The following SYAP1 variants were observed in gnomAD, a reference collection of about 807,000 sequenced individuals.
SYAP1 encodes the protein synapse-associated protein 1.
SYAP1 carries 3 observed loss-of-function variants against 29.6 expected under a neutral mutation model. The observed-to-expected ratio is 0.10, with a 90% CI of 0.05 to 0.26. The LOEUF (loss-of-function observed/expected upper bound fraction) is 0.26. SYAP1 is among the 10% of genes least tolerant of loss of function. The pLI is 1.00. For missense variants in SYAP1, 217 were observed against 264.1 expected (o/e 0.82, Z 1.24); for synonymous variants, 102 against 102.7 (o/e 0.99, Z 0.04).
chrX:16,735,600 AAACTT>A (rs1197349281), intron 2 of SYAP1, among the ~76,000 whole-genome samples: 1 of 111,852 alleles, frequency 8.9e-6, no homozygotes, highest in Non-Finnish European at 1.9e-5. Flanking sequence ...GGGTTATACT[AAACTT>A]TTCATGTTGG....
chrX:16,756,562 A>T, intron 6 of SYAP1, 101 bp from the exon 7 acceptor site: 1 of 720,821 alleles, frequency 1.4e-6, no homozygotes, highest in Non-Finnish European at 2.1e-6. Context: ...ATTTCTGAAA[A>T]TTATTTAGTA....
At position 16,764,005 on chromosome X, in the gene SYAP1, G is replaced by A. The variant is rs1927040874; in HGVS notation, c.*3646G>A. 1 of 109,709 alleles carries A rather than the reference G, an allele frequency of 9.1e-6. No homozygotes were observed. The highest frequency in any genetic ancestry group is 1.9e-5 in the Non-Finnish European group (1 of 52,804). The allele number at this position is 109,709 out of a possible 1,213,427, so 9.0% of individuals were successfully genotyped here. A position where few individuals can be genotyped will look rare whatever the true frequency, so the allele number is the denominator to read the frequency against. On this transcript the variant is annotated 3_prime_UTR_variant, in exon 9 of 9. Coordinates refer to ENST00000380155, the MANE Select transcript of SYAP1 (RefSeq NM_032796.4). ...TTCTCCTGCCTCAGCCTCCCTAGTA[G>A]CTGGGATTATAGGCATGTGCCACCA...
chrX:16,728,712 A>G (rs1269865721), intron 1 of SYAP1, among the ~76,000 whole-genome samples: 1 of 109,502 alleles, frequency 9.1e-6, no homozygotes, highest in Non-Finnish European at 1.9e-5. Context: ...ACAATTGTTC[A>G]TGGATGACAA....
At chrX:16,755,506 C>G (rs778330517) in intron 6 of SYAP1, among the ~76,000 whole-genome samples, 1 of 109,310 alleles carries the variant, frequency 9.1e-6, no homozygotes, top group South Asian at 4.0e-4. Context: ...CATCTTCCCC[C>G]CCTCTCATTT....
rs369077809 is a variant in SYAP1, at chrX:16,758,529, G to A, written c.931+1220G>A. 4.5e-5 allele frequency among the ~76,000 whole-genome samples: 5 copies of A among 110,378 alleles called. No homozygotes were observed. In the East Asian group the frequency reaches 1.1e-3, roughly 25 times the overall value. ...CACCTGGCTAATTTTTGTATGTTTT[G>A]TATCGCTATGTTGGCAGGCTGGTCT... is the stretch of plus-strand genomic sequence containing the variant. On this transcript the variant is annotated intron_variant, in intron 8 of 8. Coordinates refer to ENST00000380155, the MANE Select transcript of SYAP1 (RefSeq NM_032796.4).
At chrX:16,730,786 G>C (rs1056171215) in intron 1 of SYAP1, among the ~76,000 whole-genome samples, 2 of 112,201 alleles carry the variant, frequency 1.8e-5, no homozygotes, top group African/African-American at 6.5e-5. Context: ...TTTAGGACAA[G>C]AATTTGCCAT....
intron 1 of SYAP1, among the ~76,000 whole-genome samples, chrX:16,729,774 G>A (rs539961532): frequency 3.6e-5 from 4 of 111,117 alleles, no homozygotes; most frequent in South Asian, 3.8e-4. Context: ...GAGCCACTGC[G>A]CCCAGCCTAT....
chrX:16,764,989 G>C lies in SYAP1; in HGVS notation c.*4630G>C, dbSNP rs1354888775. The C allele has an allele frequency of 8.9e-6, 1 of 112,161 alleles. No homozygotes were observed. The highest frequency in any genetic ancestry group is 1.9e-5 in the Non-Finnish European group (1 of 53,287). The allele number at this position is 112,161 out of a possible 1,213,427, so 9.2% of individuals were successfully genotyped here. A position where few individuals can be genotyped will look rare whatever the true frequency, so the allele number is the denominator to read the frequency against. Reference sequence around the variant, plus strand: ...GGGATTACAGGCATGATGAGCCACTGCACCTGGCCAAAAGTGGCAGAAATT... The same window carrying C: ...GGGATTACAGGCATGATGAGCCACTCCACCTGGCCAAAAGTGGCAGAAATT... On this transcript the variant is annotated 3_prime_UTR_variant, in exon 9 of 9. Transcript: ENST00000380155.
chrX:16,728,943 G>A (rs766750862), intron 1 of SYAP1, among the ~76,000 whole-genome samples: 1 of 107,984 alleles, frequency 9.3e-6, no homozygotes, highest in Admixed American at 1.0e-4. Context: ...GGAGGCTGAG[G>A]CAGGAGAATT....
chrX:16,747,666 C>G (rs1447847319), intron 5 of SYAP1, among the ~76,000 whole-genome samples: 1 of 113,015 alleles, frequency 8.8e-6, no homozygotes, highest in Non-Finnish European at 1.9e-5. Context: ...ATTAGTGTTT[C>G]TAATTTGTCA....
At chrX:16,750,357 G>A (rs367874663) in intron 5 of SYAP1, among the ~76,000 whole-genome samples, 1 of 111,691 alleles carries the variant, frequency 9.0e-6, no homozygotes, top group Non-Finnish European at 1.9e-5. Flanking sequence ...TCCAAGAGAC[G>A]TTACAACAGT....
At position 16,755,043 on chromosome X, in the gene SYAP1, C is replaced by T; in HGVS notation, c.674C>T (p.Ala225Val). Residue 225 changes from alanine (A) to valine (V), a missense_variant, in exon 6 of 9, where the codon GCA becomes GTA. Ala to Val is a moderately conservative substitution (Grantham distance 64, BLOSUM62 0). Coordinates refer to ENST00000380155, the MANE Select transcript of SYAP1 (RefSeq NM_032796.4). ...LTALAAQQQA[A>V]GKEEKSNGRE... The stretch of plus-strand genomic sequence containing the variant: ...GCCCTGGCTGCCCAACAGCAGGCCG[C>T]AGGGAAGGAGGAGAAGAGCAATGGC... 1.7e-6 allele frequency: 2 copies of T among 1,211,557 alleles called. No individual in the cohort carries two copies. Among genetic ancestry groups the T allele is most frequent in the Non-Finnish European group, 2.2e-6 (2 of 895,338 alleles).
At chrX:16,728,864 C>G (rs1174086073) in intron 1 of SYAP1, among the ~76,000 whole-genome samples, 2 of 107,160 alleles carry the variant, frequency 1.9e-5, no homozygotes, top group African/African-American at 6.8e-5. Context: ...ACAGTGAAAG[C>G]CCGTCTCTAC....
intron 3 of SYAP1, among the ~76,000 whole-genome samples, chrX:16,739,934 T>A (rs1926420976): frequency 9.0e-6 from 1 of 111,435 alleles, no homozygotes; most frequent in Non-Finnish European, 1.9e-5. Flanking sequence ...AATGAGGCTA[T>A]TAAGGGCCCC....
intron 5 of SYAP1, among the ~76,000 whole-genome samples, chrX:16,751,662 T>A (rs950580224): frequency 9.2e-6 from 1 of 108,356 alleles, no homozygotes; most frequent in African/African-American, 3.4e-5. Context: ...TGTGCTTTTT[T>A]AATGCTTTTT....
At chrX:16,754,825 A>G in intron 5 of SYAP1, 120 bp from the exon 6 acceptor site, 14 of 696,725 alleles carry the variant, frequency 2.0e-5, no homozygotes, top group Non-Finnish European at 3.1e-5. Flanking sequence ...CCCCTTTACA[A>G]CAAATAACCC....
At chrX:16,724,214 G>A (rs764033052) in intron 1 of SYAP1, among the ~76,000 whole-genome samples, 1 of 112,084 alleles carries the variant, frequency 8.9e-6, no homozygotes, top group Non-Finnish European at 1.9e-5. Flanking sequence ...CACACAGGAC[G>A]TGCTTAATTC....
rs776539372 is a variant in SYAP1, at chrX:16,757,185, C to T, written c.807C>T (p.Ser269=). 8.3e-7 allele frequency: 1 copy of T among 1,211,235 alleles called. No individual in the cohort carries two copies. Among genetic ancestry groups the T allele is most frequent in the Admixed American group, 2.2e-5 (1 of 45,976 alleles). ...AGGATGAGGAAGAAATTTCTACTAG[C>T]CCAGGTGTTTCTGAGTTTGTCAGTG... ...TQEDEEEIST[S]PGVSEFVSDA... Residue 269 remains serine, a synonymous_variant, in exon 8 of 9, where the codon AGC becomes AGT. Transcript: ENST00000380155.
At chrX:16,737,618 C>T (rs749319041) in intron 3 of SYAP1, among the ~76,000 whole-genome samples, 19 of 111,126 alleles carry the variant, frequency 1.7e-4, no homozygotes, top group Non-Finnish European at 3.4e-4. Flanking sequence ...ACTGTGAGGG[C>T]GTGGGGGTGG....
Sources: gnomAD v4.1 joint callset for allele counts (sites outside exome capture counted in the v4.1 genomes callset) on GRCh38, gnomAD v4.1.1 for gene constraint, MANE v1.5 for transcripts, NCBI Gene and HGNC (gene_info 2026-07-23, HGNC 2026-07-21) for gene names.